Variants in CCSER1 observed in about 807,000 individuals in gnomAD.
The protein encoded by CCSER1 is coiled-coil serine rich protein 1.
A neutral mutation model predicts 82.0 loss-of-function variants in CCSER1; 41 were observed. That is an observed-to-expected ratio of 0.50 (90% CI 0.39 to 0.65). The LOEUF is 0.65. Among genes scored for constraint, CCSER1 ranks in the 30% least tolerant of loss-of-function variants. CCSER1 has a pLI of 0.00. For synonymous variants in CCSER1, 414 were observed against 383.9 expected (o/e 1.08, Z -0.92); for missense variants, 1,119 against 1,064.2 (o/e 1.05, Z -0.72).
chr4:91,086,129 A>G, intron 10 of CCSER1, 135 bp downstream of exon 10: 1 of 611,014 alleles, frequency 1.6e-6, no homozygotes, highest in Non-Finnish European at 3.0e-6. Flanking sequence ...TGTTGTCTGC[A>G]TATGGCTCTG....
At chr4:90,971,017 G>T (rs1220165838) in intron 9 of CCSER1, among the ~76,000 whole-genome samples, 1 of 151,732 alleles carries the variant, frequency 6.6e-6, no homozygotes, top group African/African-American at 2.4e-5. Context: ...ATTAGAAAAA[G>T]AAGAACAAAC....
chr4:90,859,473 A>C (rs1254262471), intron 8 of CCSER1, among the ~76,000 whole-genome samples: 16 of 151,832 alleles, frequency 1.1e-4, no homozygotes, highest in Non-Finnish European at 1.9e-4. Context: ...AAAAGATTCA[A>C]GGAATTCTGG....
At chr4:90,143,242 C>T (rs539045040) in intron 1 of CCSER1, among the ~76,000 whole-genome samples, 12 of 152,014 alleles carry the variant, frequency 7.9e-5, no homozygotes, top group African/African-American at 2.2e-4. Flanking sequence ...CCATTCCTGC[C>T]GTATTAAGCC....
chr4:91,478,686 A>G (rs1456764283), intron 10 of CCSER1, among the ~76,000 whole-genome samples: 1 of 151,948 alleles, frequency 6.6e-6, no homozygotes, highest in East Asian at 1.9e-4. Context: ...TCGAAATGGT[A>G]TAACTATGGG....
At chr4:91,098,780 A>T (rs1724763227) in intron 10 of CCSER1, among the ~76,000 whole-genome samples, 1 of 152,160 alleles carries the variant, frequency 6.6e-6, no homozygotes, top group South Asian at 2.1e-4. Flanking sequence ...TGATGTCGTG[A>T]TCTGCCCGCC....
rs574081556 is a variant in CCSER1 at position 91,079,335 on chromosome 4, G to A, written c.2173-6615G>A. On this transcript the variant is annotated intron_variant, in intron 9 of 10. Coordinates refer to ENST00000509176, the MANE Select transcript of CCSER1 (RefSeq NM_001145065.2). The stretch of plus-strand genomic sequence containing the variant: ...TATTCAGCCAAACTAAGCTTCATAA[G>A]GGAAGGAGAAATAAAATCTTTTACA... Among the ~76,000 whole-genome samples the A allele has an allele frequency of 1.1e-4, 17 of 152,220 alleles. 1 individual carries two copies. The South Asian group carries it at 3.5e-3, about 32-fold the overall frequency.
chr4:90,779,336 A>G (rs1244375693), intron 7 of CCSER1, among the ~76,000 whole-genome samples: 1 of 151,818 alleles, frequency 6.6e-6, no homozygotes, highest in Non-Finnish European at 1.5e-5. Flanking sequence ...CAAGGTATAC[A>G]TTACTTCTTC....
rs528834837 is a variant in CCSER1 at position 91,198,203 on chromosome 4, G to A, written c.2217+112209G>A. On this transcript the variant is annotated intron_variant, in intron 10 of 10. Transcript: ENST00000509176. ...TACTTTCCTTTCTTAAGCAGAGACA[G>A]TGAAAAGAAAAAGAGCTTCTTGGGA... Among the ~76,000 whole-genome samples, 6 of 152,156 alleles carry A rather than the reference G, an allele frequency of 3.9e-5. 1 individual carries two copies. The South Asian group carries it at 1.2e-3, about 32-fold the overall frequency.
At chr4:90,349,535 T>C (rs17228831) in intron 3 of CCSER1, among the ~76,000 whole-genome samples, 1 of 152,202 alleles carries the variant, frequency 6.6e-6, no homozygotes, top group South Asian at 2.1e-4. Flanking sequence ...CATGTTCTTA[T>C]TTTTTTGTAT....
intron 10 of CCSER1, among the ~76,000 whole-genome samples, chr4:91,570,423 C>A (rs1763119071): frequency 6.6e-6 from 1 of 152,168 alleles, no homozygotes. Flanking sequence ...CATGAAGGCT[C>A]CTCCCCTGCA....
chr4:90,822,535 T>C (rs971140671), intron 8 of CCSER1, among the ~76,000 whole-genome samples: 1 of 152,104 alleles, frequency 6.6e-6, no homozygotes, highest in African/African-American at 2.4e-5. Flanking sequence ...GAGTCCAGCA[T>C]GGCCAACATG....
intron 3 of CCSER1, among the ~76,000 whole-genome samples, chr4:90,330,091 A>C (rs963191257): frequency 6.6e-6 from 1 of 152,136 alleles, no homozygotes; most frequent in Non-Finnish European, 1.5e-5. Context: ...ATTTAGTAGT[A>C]ATGGTCATTT....
intron 6 of CCSER1, among the ~76,000 whole-genome samples, chr4:90,718,857 T>G (rs967783574): frequency 1.3e-5 from 2 of 152,202 alleles, no homozygotes; most frequent in African/African-American, 4.8e-5. Context: ...CATAAACTCC[T>G]GAGTTTCTCC....
Position 90,950,329 on chromosome 4 carries a change from A to AT in CCSER1, c.2172+26890dup, listed in dbSNP as rs531446850. Among the ~76,000 whole-genome samples the AT allele has an allele frequency of 3.9e-5, 6 of 152,006 alleles. 1 individual carries two copies. The highest frequency in any genetic ancestry group is 1.4e-4 in the African/African-American group (6 of 41,484). ...TGAGCCATTACACTGAGGTCTTTTA[A>AT]TTTTTTTTCCCTGAGACTAAATAAA... On this transcript the variant is annotated intron_variant, in intron 9 of 10. Coordinates refer to ENST00000509176, the MANE Select transcript of CCSER1 (RefSeq NM_001145065.2).
chr4:90,561,016 T>C (rs1778697479), intron 5 of CCSER1, among the ~76,000 whole-genome samples: 1 of 152,232 alleles, frequency 6.6e-6, no homozygotes, highest in African/African-American at 2.4e-5. Context: ...TTATTGCTAA[T>C]ATATTCTCAC....
At chr4:91,181,878 G>A (rs976760253) in intron 10 of CCSER1, among the ~76,000 whole-genome samples, 8 of 152,152 alleles carry the variant, frequency 5.3e-5, no homozygotes, top group Non-Finnish European at 1.2e-4. Flanking sequence ...GTGTAACTGT[G>A]TCATAGAGTG....
intron 6 of CCSER1, among the ~76,000 whole-genome samples, chr4:90,698,629 T>C (rs1445330852): frequency 6.6e-6 from 1 of 152,180 alleles, no homozygotes; most frequent in Non-Finnish European, 1.5e-5. Context: ...AAACTACCAA[T>C]GTAATGTATT....
chr4:90,166,999 C>G (rs1289325162), intron 1 of CCSER1, among the ~76,000 whole-genome samples: 1 of 151,782 alleles, frequency 6.6e-6, no homozygotes, highest in African/African-American at 2.4e-5. Context: ...ATTCTTTAAT[C>G]AAGCGTAAGT....
intron 10 of CCSER1, among the ~76,000 whole-genome samples, chr4:91,493,460 G>T (rs761958295): frequency 1.1e-4 from 16 of 151,510 alleles, no homozygotes; most frequent in Non-Finnish European, 1.6e-4. Flanking sequence ...AAAAAAATAT[G>T]AAAGTATTCT....
Sources: allele counts gnomAD v4.1 joint callset (sites outside exome capture counted in the v4.1 genomes callset), GRCh38; gene constraint gnomAD v4.1.1; transcripts MANE v1.5; gene names NCBI Gene and HGNC (gene_info 2026-07-23, HGNC 2026-07-21).